The following TM2D1 variants were observed in gnomAD, a reference collection of about 807,000 sequenced individuals.
TM2D1 encodes the protein TM2 domain containing 1.
Under a neutral mutation model 28.4 loss-of-function variants are expected in TM2D1, and 15 were observed. The ratio of observed to expected loss-of-function variants is 0.53; its 90% CI spans 0.35 to 0.81. The LOEUF is 0.81. Ranked by LOEUF, TM2D1 falls within the 40% of genes least tolerant of loss-of-function variation. TM2D1 has a pLI of 0.01. For missense variants in TM2D1, 236 were observed against 254.9 expected (o/e 0.93, Z 0.50); for synonymous variants, 93 against 96.2 (o/e 0.97, Z 0.20).
At chr1:61,705,497 T>A (rs945062094) in intron 3 of TM2D1, among the ~76,000 whole-genome samples, 21 of 152,182 alleles carry the variant, frequency 1.4e-4, no homozygotes, top group Non-Finnish European at 2.4e-4. Context: ...ATTTCTCTTT[T>A]TCTTATGAAT....
chr1:61,715,645 C>CAAAAAAAAA (rs759796747), intron 2 of TM2D1, among the ~76,000 whole-genome samples: 7 of 16,424 alleles, frequency 4.3e-4, no homozygotes, highest in Non-Finnish European at 3.8e-4. Context: ...AAGACTGTCT[C>CAAAAAAAAA]AAAAAAAAAA....
At chr1:61,695,346 A>G (rs1169901930) in intron 4 of TM2D1, among the ~76,000 whole-genome samples, 1 of 152,158 alleles carries the variant, frequency 6.6e-6, no homozygotes, top group Non-Finnish European at 1.5e-5. Context: ...TTCTGTGCTG[A>G]GCACTATATA....
chr1:61,723,771 A>G lies in TM2D1; in HGVS notation c.180T>C (p.Asp60=). The change falls in exon 2 of 7, where the codon GAT becomes GAC. Residue 60 remains aspartate, a synonymous_variant. Transcript: ENST00000606498. ...CTTGCGTAGCGTCATTTATTTTTGG[A>G]TCTTTACAAATATATGTAAAAAAAA... ...DLKVGQYICK[D]PKINDATQEP... 6.5e-7 allele frequency: 1 copy of G among 1,532,326 alleles called. No individual in the cohort carries two copies. The highest frequency in any genetic ancestry group is 8.9e-7 in the Non-Finnish European group (1 of 1,126,860). 94.9% of individuals were successfully genotyped at this position (1,532,326 alleles called of 1,614,324 possible). A position where few individuals can be genotyped will look rare whatever the true frequency, so the allele number is the denominator to read the frequency against.
chr1:61,689,351 G>A (rs1279130571), intron 5 of TM2D1, among the ~76,000 whole-genome samples: 1 of 150,986 alleles, frequency 6.6e-6, no homozygotes, highest in Non-Finnish European at 1.5e-5. Context: ...AGCCCCCAAG[G>A]AAATATTTTA....
chr1:61,721,150 G>A (rs997720207), intron 2 of TM2D1, among the ~76,000 whole-genome samples: 1 of 152,126 alleles, frequency 6.6e-6, no homozygotes, highest in South Asian at 2.1e-4. Flanking sequence ...AGGATCTCCT[G>A]AGCCTGGGAG....
intron 5 of TM2D1, among the ~76,000 whole-genome samples, chr1:61,687,931 GTCAGACTACATTTTTGTA>G (rs1644295195): frequency 6.6e-6 from 1 of 152,188 alleles, no homozygotes; most frequent in African/African-American, 2.4e-5. Flanking sequence ...TTTCTTAAAA[GTCAGACTACATTTTTGTA>G]TCCATATTTC....
intron 2 of TM2D1, among the ~76,000 whole-genome samples, chr1:61,712,467 C>G (rs1644485808): frequency 6.6e-6 from 1 of 152,062 alleles, no homozygotes; most frequent in Non-Finnish European, 1.5e-5. Flanking sequence ...CTGGAGTGCC[C>G]TGGTGCGATC....
chr1:61,694,768 A>C lies in TM2D1; in HGVS notation c.442T>G (p.Leu148Val), dbSNP rs749162861. The C allele has an allele frequency of 2.4e-5, 38 of 1,592,928 alleles. 1 individual carries two copies. The Middle Eastern group carries it at 5.0e-4, about 21-fold the overall frequency. The change falls in exon 5 of 7, where the codon TTG (leucine) becomes GTG (valine). Residue 148 changes from leucine to valine, a missense_variant and splice_region_variant. This residue lies in a region of TM2D1 where 64 missense variants were observed against 73.1 expected (regional missense o/e 0.88). Coordinates refer to ENST00000606498, the MANE Select transcript of TM2D1 (RefSeq NM_032027.3). ...AACCCTACAGTGCAAAACTTTAACA[A>C]ACCTAGAAAAGAAGGTAAAGTCATT... ...RFYLGYPALG[L>V]LKFCTVGFCG...
At chr1:61,706,880 G>T (rs111549776) in intron 3 of TM2D1, among the ~76,000 whole-genome samples, 9 of 109,560 alleles carry the variant, frequency 8.2e-5, no homozygotes, top group African/African-American at 2.4e-4. Flanking sequence ...AAACTTTATT[G>T]TAAGAAGGGA....
intron 2 of TM2D1, among the ~76,000 whole-genome samples, chr1:61,718,408 A>G (rs1644537799): frequency 6.6e-6 from 1 of 152,238 alleles, no homozygotes; most frequent in Admixed American, 6.5e-5. Flanking sequence ...TCATTTTGCA[A>G]CTATCAGAAT....
intron 4 of TM2D1, 78 bp downstream of exon 4, chr1:61,700,856 G>A: frequency 9.8e-7 from 1 of 1,018,072 alleles, no homozygotes; most frequent in Non-Finnish European, 1.5e-6. Flanking sequence ...AATACACAGA[G>A]ATTTAATCCA....
chr1:61,692,093 T>C (rs1168894873), intron 5 of TM2D1, among the ~76,000 whole-genome samples: 1 of 150,922 alleles, frequency 6.6e-6, no homozygotes, highest in Non-Finnish European at 1.5e-5. Flanking sequence ...GCTATACATG[T>C]ATCACTGATT....
At chr1:61,692,442 G>C (rs1644334936) in intron 5 of TM2D1, among the ~76,000 whole-genome samples, 2 of 138,516 alleles carry the variant, frequency 1.4e-5, no homozygotes, top group African/African-American at 5.4e-5. Flanking sequence ...AAAAAAGAAA[G>C]AAAGAAAGAT....
rs578183865 is a variant in TM2D1 at position 61,713,515 on chromosome 1, G to C, written c.239-4078C>G. ...AAAAAAAAAAAAAAAAAAAAGGAGG[G>C]GTCTGCAAAAGTATCTATAAACACA... On this transcript the variant is annotated intron_variant, in intron 2 of 6. Coordinates refer to ENST00000606498, the MANE Select transcript of TM2D1 (RefSeq NM_032027.3). Among the ~76,000 whole-genome samples, 372 of 150,818 alleles carry C rather than the reference G, an allele frequency of 2.5e-3. 2 individuals are homozygous for C. The highest frequency in any genetic ancestry group is 6.8e-3 in the Middle Eastern group (2 of 294).
At chr1:61,721,521 G>A (rs1644564394) in intron 2 of TM2D1, among the ~76,000 whole-genome samples, 2 of 140,688 alleles carry the variant, frequency 1.4e-5, no homozygotes, top group African/African-American at 5.4e-5. Context: ...CAGCCTGAGC[G>A]ACAGAGTGAG....
At chr1:61,715,645 C>CAAAAAAAAAAAAAAAA (rs759796747) in intron 2 of TM2D1, among the ~76,000 whole-genome samples, 2 of 16,424 alleles carry the variant, frequency 1.2e-4, no homozygotes, top group Non-Finnish European at 2.5e-4. Context: ...AAGACTGTCT[C>CAAAAAAAAAAAAAAAA]AAAAAAAAAA....
intron 2 of TM2D1, among the ~76,000 whole-genome samples, chr1:61,720,168 T>G (rs1023871092): frequency 1.1e-4 from 17 of 152,330 alleles, no homozygotes; most frequent in Middle Eastern, 3.4e-3. Flanking sequence ...ATCTAAATAT[T>G]TTTTGTATTT....
At chr1:61,706,731 C>T (rs1010829520) in intron 3 of TM2D1, among the ~76,000 whole-genome samples, 3 of 150,870 alleles carry the variant, frequency 2.0e-5, no homozygotes, top group Admixed American at 1.3e-4. Flanking sequence ...CGCTTGAACC[C>T]GGGAAGGTTC....
At chr1:61,713,463 G>A (rs557447012) in intron 2 of TM2D1, among the ~76,000 whole-genome samples, 22 of 123,748 alleles carry the variant, frequency 1.8e-4, no homozygotes, top group Non-Finnish European at 3.2e-4. Context: ...TGGGTAAGAG[G>A]ACAAGACCCC....
Sources: gnomAD v4.1 joint callset for allele counts (sites outside exome capture counted in the v4.1 genomes callset) on GRCh38, gnomAD v4.1.1 for gene constraint, gnomAD v4.1.1 regional missense constraint, MANE v1.5 for transcripts, NCBI Gene and HGNC (gene_info 2026-07-23, HGNC 2026-07-21) for gene names.